The following MAF variants were observed in gnomAD, a reference collection of about 807,000 sequenced individuals.
The protein encoded by MAF is MAF bZIP transcription factor.
MAF carries 10 observed loss-of-function variants against 22.0 expected under a neutral mutation model. That is an observed-to-expected ratio of 0.45 (90% CI 0.28 to 0.77). The LOEUF is 0.77. MAF is among the 30% of genes least tolerant of loss of function. The pLI is 0.12. For synonymous variants in MAF, 337 were observed against 255.8 expected (o/e 1.32, Z -3.03); for missense variants, 544 against 548.4 (o/e 0.99, Z 0.08).
the MAF span, among the ~76,000 whole-genome samples, chr16:79,469,009 A>G: frequency 1.3e-5 from 2 of 152,166 alleles, no homozygotes; most frequent in African/African-American, 4.8e-5. Context: ...TGTAGAGGCT[A>G]CAAGCTGTCC....
chr16:79,442,617 G>C, the MAF span, among the ~76,000 whole-genome samples: 1 of 152,174 alleles, frequency 6.6e-6, no homozygotes, highest in Non-Finnish European at 1.5e-5. Flanking sequence ...CACGATCATG[G>C]CTCACTGCAG....
Position 79,600,388 on chromosome 16 carries a change from G to A in MAF, c.-486C>T, listed in dbSNP as rs533030399. ...GCGCGGCGTCCGCTCGGGGCTGGAG[G>A]CGCGGCGGGCGTCTGTCCGGGCGGC... On this transcript the variant is annotated 5_prime_UTR_variant, in exon 1 of 2. Coordinates refer to ENST00000326043, the MANE Select transcript of MAF (RefSeq NM_005360.5). 22 of 197,616 alleles carry A rather than the reference G, an allele frequency of 1.1e-4. No individual in the cohort carries two copies. In the South Asian group the frequency reaches 3.3e-3, roughly 29 times the overall value. 12.2% of individuals were successfully genotyped at this position (197,616 alleles called of 1,614,324 possible). A position where few individuals can be genotyped will look rare whatever the true frequency, so the allele number is the denominator to read the frequency against.
chr16:79,350,258 G>T, the MAF span, among the ~76,000 whole-genome samples: 1 of 152,140 alleles, frequency 6.6e-6, no homozygotes, highest in African/African-American at 2.4e-5. Context: ...AAGTTAACCA[G>T]CACTTCTAAA....
At chr16:79,512,850 C>T in the MAF span, among the ~76,000 whole-genome samples, 112 of 152,272 alleles carry the variant, frequency 7.4e-4, 1 homozygote, top group South Asian at 0.019. Flanking sequence ...AGCCCAGGGC[C>T]GTGGGCAGCA....
the MAF span, among the ~76,000 whole-genome samples, chr16:79,480,051 A>G: frequency 6.6e-6 from 1 of 152,174 alleles, no homozygotes; most frequent in Non-Finnish European, 1.5e-5. Flanking sequence ...TCTCTCCCTT[A>G]GGTCAAGCTC....
chr16:79,427,796 C>G, the MAF span, among the ~76,000 whole-genome samples: 1 of 152,134 alleles, frequency 6.6e-6, no homozygotes, highest in Non-Finnish European at 1.5e-5. Flanking sequence ...GTTGGTATAG[C>G]TGGCTTTCCA....
At chr16:79,588,201 G>A (rs997922818) in intron 1 of MAF, among the ~76,000 whole-genome samples, 2 of 152,152 alleles carry the variant, frequency 1.3e-5, no homozygotes, top group African/African-American at 2.4e-5. Flanking sequence ...CATGGGGATC[G>A]CAACCTGAAA....
the MAF span, among the ~76,000 whole-genome samples, chr16:79,497,480 G>A: frequency 6.6e-6 from 1 of 152,192 alleles, no homozygotes; most frequent in Non-Finnish European, 1.5e-5. Flanking sequence ...CACTGCCCAA[G>A]GTCACTGGCC....
the MAF span, among the ~76,000 whole-genome samples, chr16:79,466,694 A>G: frequency 5.3e-5 from 8 of 152,230 alleles, no homozygotes; most frequent in Non-Finnish European, 1.0e-4. Flanking sequence ...CAAAAACCTT[A>G]AGAGAAGACT....
At chr16:79,548,737 A>G in the MAF span, among the ~76,000 whole-genome samples, 2 of 152,138 alleles carry the variant, frequency 1.3e-5, no homozygotes, top group African/African-American at 4.8e-5. Flanking sequence ...TGCCCAGCAG[A>G]TACCTACCCA....
At chr16:79,212,040 G>C in the MAF span, 4 of 1,536,294 alleles carry the variant, frequency 2.6e-6, no homozygotes, top group South Asian at 2.4e-5. Flanking sequence ...GTGGTGGCCT[G>C]TTTGAAAGTA....
At chr16:79,446,975 T>C in the MAF span, among the ~76,000 whole-genome samples, 1 of 152,036 alleles carries the variant, frequency 6.6e-6, no homozygotes, top group Non-Finnish European at 1.5e-5. Flanking sequence ...GAAATCAACA[T>C]TGGTTTCACA....
At chr16:79,322,581 C>T in the MAF span, among the ~76,000 whole-genome samples, 7 of 152,186 alleles carry the variant, frequency 4.6e-5, no homozygotes, top group East Asian at 1.9e-4. Flanking sequence ...ACATGGGAAG[C>T]GGAAACAGAC....
the MAF span, among the ~76,000 whole-genome samples, chr16:79,486,793 C>T: frequency 3.3e-5 from 5 of 152,314 alleles, no homozygotes; most frequent in East Asian, 9.7e-4. Context: ...GAAATCAATC[C>T]TGTTGCTTTT....
chr16:79,402,559 C>G, the MAF span, among the ~76,000 whole-genome samples: 1 of 152,212 alleles, frequency 6.6e-6, no homozygotes, highest in Non-Finnish European at 1.5e-5. Context: ...GGGGCCTGGC[C>G]TACCTCCAGG....
At chr16:79,389,340 C>T in the MAF span, among the ~76,000 whole-genome samples, 10 of 152,298 alleles carry the variant, frequency 6.6e-5, no homozygotes, top group South Asian at 1.0e-3. Context: ...TGGTTCACTA[C>T]AACCTCTGCC....
chr16:79,290,830 G>T, the MAF span, among the ~76,000 whole-genome samples: 3 of 152,028 alleles, frequency 2.0e-5, no homozygotes, highest in African/African-American at 7.3e-5. Context: ...GAGTCACTGA[G>T]GCTGGTCCTC....
the MAF span, among the ~76,000 whole-genome samples, chr16:79,446,549 T>G: frequency 6.6e-6 from 1 of 152,142 alleles, no homozygotes; most frequent in Admixed American, 6.6e-5. Context: ...TGAAAATGCT[T>G]TACAAAAGCT....
the MAF span, among the ~76,000 whole-genome samples, chr16:79,274,764 T>G: frequency 6.6e-6 from 1 of 152,098 alleles, no homozygotes; most frequent in African/African-American, 2.4e-5. Context: ...CTTGTAAGAC[T>G]CAGTGCAAGG....
Sources: allele counts gnomAD v4.1 joint callset (sites outside exome capture counted in the v4.1 genomes callset), GRCh38; gene constraint gnomAD v4.1.1; transcripts MANE v1.5; gene names NCBI Gene and HGNC (gene_info 2026-07-23, HGNC 2026-07-21).